Variants in SV2A observed in about 807,000 individuals in gnomAD.
SV2A encodes synaptic vesicle glycoprotein 2A.
In SV2A, 25 loss-of-function variants were observed where a neutral mutation model predicts 78.0. The ratio of observed to expected loss-of-function variants is 0.32; its 90% confidence interval spans 0.23 to 0.45. SV2A has a LOEUF of 0.45. SV2A is among the 20% of genes least tolerant of loss of function. The pLI, the probability that SV2A is intolerant of heterozygous loss-of-function variation, is 1.00. For missense variants in SV2A, 752 were observed against 971.5 expected, an observed-to-expected ratio of 0.77 and a Z score of 3.00; for synonymous variants, 355 against 384.7, an observed-to-expected ratio of 0.92 and a Z score of 0.90.
Position 149,907,680 on chromosome 1 carries a change from C to T in SV2A, c.1678+20G>A. On this transcript the variant is annotated intron_variant, in intron 10 of 12. Coordinates refer to ENST00000369146, the MANE Select transcript of SV2A (RefSeq NM_014849.5). ...CCACCCAACCCTTTGGTCTGACACC[C>T]ACCAGCCACCCCGCCTTACCAGTGT... 6.8e-6 allele frequency: 11 copies of T among 1,609,572 alleles called. No individual in the cohort carries two copies. The highest frequency in any genetic ancestry group is 9.3e-6 in the Non-Finnish European group (11 of 1,177,418).
intron 9 of SV2A, 88 bp from the exon 10 acceptor site, chr1:149,907,921 G>A: frequency 6.4e-7 from 1 of 1,573,692 alleles, no homozygotes; most frequent in Non-Finnish European, 8.6e-7. Context: ...TGGGAAGCTG[G>A]GCATTGAGAA....
intron 7 of SV2A, 73 bp downstream of exon 7, chr1:149,909,388 C>T: frequency 6.4e-7 from 1 of 1,553,282 alleles, no homozygotes; most frequent in Non-Finnish European, 8.9e-7. Flanking sequence ...ATCACCCACA[C>T]ACATAGACTT....
At chr1:149,915,897 A>ACACACACACACACACG (rs1223154004) in intron 1 of SV2A, among the ~76,000 whole-genome samples, 1 of 151,754 alleles carries the variant, frequency 6.6e-6, no homozygotes, top group African/African-American at 2.4e-5. Flanking sequence ...TAAAACACAC[A>ACACACACACACACACG]CACACACACA....
At chr1:149,916,687 G>A (rs1267140079) in intron 1 of SV2A, among the ~76,000 whole-genome samples, 1 of 152,184 alleles carries the variant, frequency 6.6e-6, no homozygotes. Context: ...TCCTAGCTCA[G>A]GTGACAAGGT....
At chr1:149,906,101 AC>A (rs2092436349) in intron 11 of SV2A, 62 bp from the exon 12 acceptor site, 1 of 1,566,528 alleles carries the variant, frequency 6.4e-7, no homozygotes, top group South Asian at 1.2e-5. Flanking sequence ...CCCACAGCCC[AC>A]CCTGTCCCAT....
chr1:149,905,327 A>G, intron 12 of SV2A, 130 bp from the exon 13 acceptor site: 2 of 789,704 alleles, frequency 2.5e-6, no homozygotes, highest in Non-Finnish European at 4.0e-6. Context: ...GGTTGGAGAG[A>G]TCAGAGAGGT....
chr1:149,910,174 T>C lies in SV2A; in HGVS notation c.1090-284A>G, dbSNP rs1257582892. 1.3e-5 allele frequency among the ~76,000 whole-genome samples: 2 copies of C among 152,066 alleles called. No homozygotes were observed. The highest frequency in any genetic ancestry group is 1.3e-4 in the Admixed American group (2 of 15,276). ...AGCACAGGTCTTGGGAATTCCATAG[T>C]ACAGAGGAATGTAAAAACCAAAGGT... On this transcript the variant is annotated intron_variant, in intron 5 of 12. Transcript: ENST00000369146. This position sits in a 1 kb window ranked among gnomAD's most constrained non-coding sequence, Gnocchi z 4.2.
chr1:149,910,744 G>A lies in SV2A; in HGVS notation c.956-41C>T. 1 of 1,612,980 alleles carries A rather than the reference G, an allele frequency of 6.2e-7. No homozygotes were observed. Among genetic ancestry groups the A allele is most frequent in the Non-Finnish European group, 8.5e-7 (1 of 1,179,320 alleles). The stretch of plus-strand genomic sequence containing the variant: ...TGACAGCATCAGCAGAGAGGCCAGA[G>A]GCTGGGGGAACCCACCACAGGGAGC... On this transcript the variant is annotated intron_variant, in intron 4 of 12. Transcript: ENST00000369146. This position sits in a 1 kb window ranked among gnomAD's most constrained non-coding sequence, Gnocchi z 4.2.
In SV2A at chr1:149,913,827, A is replaced by C; in HGVS notation, c.14T>G (p.Phe5Cys). 1 of 1,608,676 alleles carries C rather than the reference A, an allele frequency of 6.2e-7. No homozygotes were observed. The highest frequency in any genetic ancestry group is 8.5e-7 in the Non-Finnish European group (1 of 1,176,260). The change falls in exon 2 of 13, where the codon TTC (phenylalanine) becomes TGC (cysteine). Residue 5 changes from phenylalanine (F) to cysteine (C), a missense_variant. Phe to Cys is a radical substitution (Grantham distance 205, BLOSUM62 -2). Around this residue, in one of 7 missense-constraint regions of SV2A, gnomAD observed 291 missense variants for 359.5 expected, o/e 0.81. Transcript: ENST00000369146. Reference protein sequence around the residue: MEEGFRDRAAFIRGA... With the variant: MEEGCRDRAAFIRGA... Reference sequence around the variant, plus strand: ...ACGGATGAAAGCTGCCCGGTCTCGGAAGCCCTCTTCCATGATGGGGCTTGG... The same window carrying C: ...ACGGATGAAAGCTGCCCGGTCTCGGCAGCCCTCTTCCATGATGGGGCTTGG...
In SV2A at chr1:149,913,280, G is replaced by A. The variant is rs147899266; in HGVS notation, c.561C>T (p.Gly187=). ...MADGVEVFVV[G]FVLPSAEKDM... ...CTTTCTCAGCGCTGGGCAGCACGAA[G>A]CCCACCACAAAGACCTCCACACCGT... The change falls in exon 2 of 13, where the codon GGC becomes GGT. Residue 187 remains glycine (G), a synonymous_variant. Coordinates refer to ENST00000369146, the MANE Select transcript of SV2A (RefSeq NM_014849.5). 990 of 1,614,026 alleles carry A rather than the reference G, an allele frequency of 6.1e-4. 8 individuals are homozygous for A. Among genetic ancestry groups the A allele is most frequent in the Non-Finnish European group, 1.7e-4 (205 of 1,180,034 alleles).
chr1:149,911,805 C>A lies in SV2A; in HGVS notation c.798G>T (p.Gly266=). ...GTFLFCRLLS[G]VGIGGSIPIV... is the part of the protein sequence containing the mutation. ...CTTAGGAAGTGTACACTCACCCAAC[C>A]CCAGAAAGTAGGCGGCAGAAGAGGA... Residue 266 remains glycine, a synonymous_variant, in exon 3 of 13, where the codon GGG becomes GGT. Coordinates refer to ENST00000369146, the MANE Select transcript of SV2A (RefSeq NM_014849.5). The A allele has an allele frequency of 6.2e-6, 10 of 1,613,814 alleles. No individual in the cohort carries two copies. The highest frequency in any genetic ancestry group is 8.5e-6 in the Non-Finnish European group (10 of 1,179,832).
At chr1:149,907,963 T>C (rs1172320572) in intron 9 of SV2A, 79 bp downstream of exon 9, 3 of 1,574,678 alleles carry the variant, frequency 1.9e-6, no homozygotes, top group Non-Finnish European at 1.7e-6. Flanking sequence ...CCAAATGTCT[T>C]GTCTTGAACC....
Position 149,910,511 on chromosome 1 carries a change from T to G in SV2A, c.1089+59A>C. ...GGTGTTTGAACACAGAAGCCCCTGC[T>G]GCCGTCCACACTCCACAGCCCGCAC... is the stretch of plus-strand genomic sequence containing the variant. On this transcript the variant is annotated intron_variant, in intron 5 of 12. Coordinates refer to ENST00000369146, the MANE Select transcript of SV2A (RefSeq NM_014849.5). The surrounding 1 kb of genome is among the most constrained non-coding windows in gnomAD (Gnocchi z 4.2). 1 of 1,498,044 alleles carries G rather than the reference T, an allele frequency of 6.7e-7. No individual in the cohort carries two copies. The highest frequency in any genetic ancestry group is 1.4e-5 in the South Asian group (1 of 74,022). 92.8% of individuals were successfully genotyped at this position (1,498,044 alleles called of 1,614,324 possible).
chr1:149,913,398 A>T lies in SV2A; in HGVS notation c.443T>A (p.Leu148Gln). The T allele has an allele frequency of 6.2e-7, 1 of 1,614,038 alleles. No individual in the cohort carries two copies. Among genetic ancestry groups the T allele is most frequent in the Non-Finnish European group, 8.5e-7 (1 of 1,180,004 alleles). ...EAQRRKEREELAQQYEAILRE... is the reference protein window; with the variant it reads ...EAQRRKEREEQAQQYEAILRE... ...TAGGATGGCTTCATACTGTTGGGCC[A>T]GTTCTTCTCGTTCTTTCCGTCGTTG... Residue 148 changes from leucine (L) to glutamine (Q), a missense_variant, in exon 2 of 13, where the codon CTG becomes CAG. Leu to Gln is a moderately radical substitution (Grantham distance 113). Coordinates refer to ENST00000369146, the MANE Select transcript of SV2A (RefSeq NM_014849.5).
At chr1:149,912,413 T>C (rs1332807237) in intron 2 of SV2A, among the ~76,000 whole-genome samples, 1 of 152,202 alleles carries the variant, frequency 6.6e-6, no homozygotes, top group Non-Finnish European at 1.5e-5. Context: ...ATTCATTTCA[T>C]CTTCCCAGGA....
chr1:149,910,841 T>G lies in SV2A; in HGVS notation c.940A>C (p.Ile314Leu). The G allele has an allele frequency of 6.2e-7, 1 of 1,613,964 alleles. No individual in the cohort carries two copies. The highest frequency in any genetic ancestry group is 8.5e-7 in the Non-Finnish European group (1 of 1,179,918). Residue 314 changes from isoleucine (I) to leucine (L), a missense_variant, in exon 4 of 13, where the codon ATC becomes CTC. Ile to Leu is a conservative substitution (Grantham distance 5). Around this residue, in one of 7 missense-constraint regions of SV2A, gnomAD observed 43 missense variants for 70.8 expected, o/e 0.61. Coordinates refer to ENST00000369146, the MANE Select transcript of SV2A (RefSeq NM_014849.5). The surrounding 1 kb of genome is among the most constrained non-coding windows in gnomAD (Gnocchi z 4.2). ...GGCTGCTCACCATAGTGGGGGATGA[T>G]GGCCCAGGCCATAGCAGCTGCGTAC... is the stretch of plus-strand genomic sequence containing the variant. ...GVYAAAMAWA[I>L]IPHYGWSFQM... is the part of the protein sequence containing the mutation.
In SV2A at chr1:149,917,010, AC is replaced by A. The variant is rs587674903; in HGVS notation, c.-348+728del. Among the ~76,000 whole-genome samples, 37 of 150,736 alleles carry A rather than the reference AC, an allele frequency of 2.5e-4. No homozygotes were observed. The Middle Eastern group carries it at 0.014, about 57-fold the overall frequency. ...ACCGCCCCTATCAGCATTTGCAGCG[AC>A]CCCCCCACACCCCATCTTGCCTCAG... On this transcript the variant is annotated intron_variant, in intron 1 of 12. Coordinates refer to ENST00000369146, the MANE Select transcript of SV2A (RefSeq NM_014849.5).
Position 149,914,054 on chromosome 1 carries a change from C to A in SV2A, c.-214G>T. On this transcript the variant is annotated 5_prime_UTR_variant, in exon 2 of 13. Transcript: ENST00000369146. ...AAGGAGAGGAGCTTTGACCTATACC[C>A]AGTTCAGTTGGGTGGATGGGGAAGG... 2 of 637,698 alleles carry A rather than the reference C, an allele frequency of 3.1e-6. No individual in the cohort carries two copies. Among genetic ancestry groups the A allele is most frequent in the African/African-American group, 1.8e-5 (1 of 54,856 alleles). 39.5% of individuals were successfully genotyped at this position (637,698 alleles called of 1,614,324 possible).
At chr1:149,907,051 A>G in intron 10 of SV2A, 195 bp from the exon 11 acceptor site, 1 of 921,978 alleles carries the variant, frequency 1.1e-6, no homozygotes, top group South Asian at 5.0e-5. Flanking sequence ...AATGACCATC[A>G]TCTGTCCAAC....
Sources: gnomAD v4.1 joint callset for allele counts (sites outside exome capture counted in the v4.1 genomes callset) on GRCh38, gnomAD v4.1.1 for gene constraint, gnomAD v4.1.1 regional missense constraint, Gnocchi (gnomAD v3.1) non-coding constraint, MANE v1.5 for transcripts, NCBI Gene and HGNC (gene_info 2026-07-23, HGNC 2026-07-21) for gene names.